The following ALPK2 variants were observed in gnomAD, a reference collection of about 807,000 sequenced individuals.
The protein encoded by ALPK2 is alpha kinase 2.
ALPK2 carries 127 observed loss-of-function variants against 163.1 expected under a neutral mutation model. That is an observed-to-expected ratio of 0.78 (90% CI 0.67 to 0.90). ALPK2 has a LOEUF of 0.90. ALPK2 is among the 40% of genes least tolerant of loss of function. ALPK2 has a pLI of 0.00. For synonymous variants in ALPK2, 953 were observed against 959.1 expected (o/e 0.99, Z 0.12); for missense variants, 2,360 against 2,589.6 (o/e 0.91, Z 1.92).
chr18:58,484,779 A>C (rs1050981444), intron 12 of ALPK2, among the ~76,000 whole-genome samples: 5 of 150,802 alleles, frequency 3.3e-5, no homozygotes, highest in Admixed American at 2.6e-4. Flanking sequence ...TAATGCCCAT[A>C]GGGTTGTTGA....
chr18:58,519,967 A>G (rs1460925749), intron 8 of ALPK2, among the ~76,000 whole-genome samples: 2 of 152,220 alleles, frequency 1.3e-5, no homozygotes, highest in African/African-American at 4.8e-5. Flanking sequence ...AGGTAACAGG[A>G]GAACTGAGCA....
intron 8 of ALPK2, 35 bp from the exon 9 acceptor site, chr18:58,517,217 C>T: frequency 6.3e-7 from 1 of 1,593,486 alleles, no homozygotes; most frequent in Non-Finnish European, 8.6e-7. Flanking sequence ...GGAAAGAATA[C>T]CTCCCAGTCC....
intron 3 of ALPK2, among the ~76,000 whole-genome samples, chr18:58,590,269 AC>A (rs2052008228): frequency 1.3e-5 from 2 of 151,786 alleles, no homozygotes; most frequent in Admixed American, 1.3e-4. Flanking sequence ...GAATTTAGAT[AC>A]TATACAACCA....
At chr18:58,608,024 A>G (rs1190987211) in intron 2 of ALPK2, among the ~76,000 whole-genome samples, 1 of 152,222 alleles carries the variant, frequency 6.6e-6, no homozygotes. Flanking sequence ...TAAATTGCCT[A>G]TACACACCTA....
chr18:58,576,425 C>A (rs970251380), intron 4 of ALPK2, among the ~76,000 whole-genome samples: 3 of 152,090 alleles, frequency 2.0e-5, no homozygotes, highest in Non-Finnish European at 4.4e-5. Context: ...GACTACCAAC[C>A]CAGGATTTTA....
chr18:58,503,825 G>A (rs2051446107), intron 11 of ALPK2, 106 bp downstream of exon 11: 2 of 1,010,704 alleles, frequency 2.0e-6, no homozygotes, highest in Admixed American at 2.4e-5. Flanking sequence ...GGTGTTTCAA[G>A]GTACCCAGCA....
At chr18:58,567,884 G>T (rs530604158) in intron 4 of ALPK2, among the ~76,000 whole-genome samples, 1 of 152,052 alleles carries the variant, frequency 6.6e-6, no homozygotes, top group Non-Finnish European at 1.5e-5. Flanking sequence ...GTTGAGTGGC[G>T]CCCCCAGACC....
intron 2 of ALPK2, among the ~76,000 whole-genome samples, chr18:58,607,990 AGT>A (rs1467439667): frequency 6.6e-6 from 1 of 152,238 alleles, no homozygotes; most frequent in Non-Finnish European, 1.5e-5. Flanking sequence ...CTAACCCAGC[AGT>A]TTTACCCCAA....
At position 58,617,511 on chromosome 18, in the gene ALPK2, A is replaced by G. The variant is rs192062349; in HGVS notation, c.-20-5694T>C. Among the ~76,000 whole-genome samples, 261 of 152,224 alleles carry G rather than the reference A, an allele frequency of 1.7e-3. 7 individuals are homozygous for G. The highest frequency in any genetic ancestry group is 0.016 in the Admixed American group (246 of 15,278). On this transcript the variant is annotated intron_variant, in intron 1 of 12. Coordinates refer to ENST00000361673, the MANE Select transcript of ALPK2 (RefSeq NM_052947.4). ...CAACTTCTTTCTTTTTAAAAATTTT[A>G]TTTACCTTTAATTATACTGATCCTA...
At chr18:58,604,393 A>G (rs2052087397) in intron 3 of ALPK2, among the ~76,000 whole-genome samples, 1 of 152,252 alleles carries the variant, frequency 6.6e-6, no homozygotes. Flanking sequence ...GGTATAAGTC[A>G]AATCCCTTTG....
intron 4 of ALPK2, among the ~76,000 whole-genome samples, chr18:58,547,218 C>T (rs947034784): frequency 6.6e-6 from 1 of 152,152 alleles, no homozygotes; most frequent in Admixed American, 6.5e-5. Flanking sequence ...CCCTCATTTG[C>T]AATCAGAGGT....
chr18:58,593,896 A>G (rs564793493), intron 3 of ALPK2, among the ~76,000 whole-genome samples: 21 of 151,776 alleles, frequency 1.4e-4, no homozygotes, highest in Non-Finnish European at 2.9e-4. Context: ...AATAAATAAA[A>G]ATAATAAAAG....
At chr18:58,591,946 T>C (rs1259114314) in intron 3 of ALPK2, among the ~76,000 whole-genome samples, 1 of 152,208 alleles carries the variant, frequency 6.6e-6, no homozygotes, top group Non-Finnish European at 1.5e-5. Flanking sequence ...GCCCAGATCG[T>C]GGAAGGTTTT....
intron 11 of ALPK2, among the ~76,000 whole-genome samples, chr18:58,502,458 G>C (rs2051437698): frequency 6.6e-6 from 1 of 152,182 alleles, no homozygotes. Context: ...AAACAACTCT[G>C]TGTGGAAGTT....
At chr18:58,611,540 A>G in intron 2 of ALPK2, 149 bp downstream of exon 2, 2 of 680,732 alleles carry the variant, frequency 2.9e-6, no homozygotes, top group Non-Finnish European at 2.5e-6. Flanking sequence ...AACAAATCAT[A>G]GAGGATGGAG....
intron 11 of ALPK2, 79 bp from the exon 12 acceptor site, chr18:58,498,176 A>T: frequency 2.2e-6 from 3 of 1,346,612 alleles, no homozygotes. Context: ...GCCCCAGGGA[A>T]GGGGTAATGA....
chr18:58,504,481 T>C (rs938443357), intron 10 of ALPK2, among the ~76,000 whole-genome samples: 2 of 120,376 alleles, frequency 1.7e-5, no homozygotes, highest in African/African-American at 5.9e-5. Flanking sequence ...CATCCATTTG[T>C]CCATCCATTC....
At chr18:58,548,090 A>T (rs1268880734) in intron 4 of ALPK2, among the ~76,000 whole-genome samples, 2 of 152,186 alleles carry the variant, frequency 1.3e-5, no homozygotes, top group Non-Finnish European at 2.9e-5. Flanking sequence ...CGATTACTAC[A>T]CTAGTACTTT....
chr18:58,535,893 C>T lies in ALPK2; in HGVS notation c.4294G>A (p.Glu1432Lys), dbSNP rs767336572. ...PSETTPQGAR[E>K]GGQSNDGNMG... ...TTTCCGTCATTTGATTGACCCCCTT[C>T]TCTGGCGCCCTGTGGTGTGGTTTCA... The change falls in exon 5 of 13, where the codon GAA (glutamate) becomes AAA (lysine). Residue 1432 changes from glutamate (E) to lysine (K), a missense_variant. By Grantham distance (56) the Glu-to-Lys change is moderately conservative. Coordinates refer to ENST00000361673, the MANE Select transcript of ALPK2 (RefSeq NM_052947.4). The T allele has an allele frequency of 5.0e-5, 80 of 1,614,108 alleles. No homozygotes were observed. Among genetic ancestry groups the T allele is most frequent in the Non-Finnish European group, 6.6e-5 (78 of 1,180,032 alleles).
Sources: gnomAD v4.1 joint callset for allele counts (sites outside exome capture counted in the v4.1 genomes callset) on GRCh38, gnomAD v4.1.1 for gene constraint, MANE v1.5 for transcripts, NCBI Gene and HGNC (gene_info 2026-07-23, HGNC 2026-07-21) for gene names.